Variants in TAS1R2 observed in about 807,000 individuals in gnomAD.
The protein encoded by TAS1R2 is taste 1 receptor member 2, also known as taste receptor type 1 member 2.
In TAS1R2, 47 loss-of-function variants were observed where a neutral mutation model predicts 49.3. The observed-to-expected ratio is 0.95, with a 90% CI of 0.75 to 1.22. TAS1R2 has a LOEUF of 1.22. TAS1R2 is among the 50% of genes most tolerant of loss of function. TAS1R2 has a pLI of 0.00. For missense variants in TAS1R2, 1,155 were observed against 1,122.1 expected (o/e 1.03, Z -0.42); for synonymous variants, 479 against 467.9 (o/e 1.02, Z -0.31).
chr1:18,852,157 A>G (rs1350133124), intron 3 of TAS1R2, among the ~76,000 whole-genome samples: 1 of 152,234 alleles, frequency 6.6e-6, no homozygotes, highest in Non-Finnish European at 1.5e-5. Flanking sequence ...GGAATAGCCA[A>G]TAAACAAACA....
At chr1:18,848,156 A>G (rs1933955491) in intron 4 of TAS1R2, among the ~76,000 whole-genome samples, 1 of 152,174 alleles carries the variant, frequency 6.6e-6, no homozygotes, top group African/African-American at 2.4e-5. Flanking sequence ...CTGTATATAG[A>G]GAACCTCCGC....
rs1244453154 is a variant in TAS1R2, at chr1:18,854,517, T to A, written c.953A>T (p.His318Leu). The A allele has an allele frequency of 6.2e-7, 1 of 1,613,808 alleles. No individual in the cohort carries two copies. The highest frequency in any genetic ancestry group is 1.1e-5 in the South Asian group (1 of 91,080). ...GGTGATGCCCAGGAAGGTGCCCAAG[T>A]GGCGCAGCTCCGTGAGGTTGTGCAG... is the stretch of plus-strand genomic sequence containing the variant. Residue 318 changes from histidine (H) to leucine (L), a missense_variant, in exon 3 of 6, where the codon CAC (histidine) becomes CTC (leucine). His to Leu is a moderately conservative substitution (Grantham distance 99). Coordinates refer to ENST00000375371, the Ensembl canonical transcript of TAS1R2. This position sits in a 1 kb window ranked among gnomAD's most constrained non-coding sequence, Gnocchi z 4.9.
chr1:18,844,413 C>A (rs115140847), intron 4 of TAS1R2, among the ~76,000 whole-genome samples: 1,779 of 152,268 alleles, frequency 0.012, 48 homozygotes, highest in African/African-American at 0.041. Flanking sequence ...CATGTTAATG[C>A]AAACCAGAGA....
At chr1:18,850,355 A>C (rs1933999010) in intron 3 of TAS1R2, among the ~76,000 whole-genome samples, 1 of 152,204 alleles carries the variant, frequency 6.6e-6, no homozygotes, top group South Asian at 2.1e-4. Flanking sequence ...ATTTGGCTAT[A>C]TCTTTAGGGC....
intron 4 of TAS1R2, among the ~76,000 whole-genome samples, chr1:18,846,738 G>A (rs552503024): frequency 6.6e-6 from 1 of 151,714 alleles, no homozygotes; most frequent in African/African-American, 2.4e-5. Context: ...CAGACACATG[G>A]AGAACACCAC....
intron 4 of TAS1R2, among the ~76,000 whole-genome samples, chr1:18,842,615 A>G (rs944540841): frequency 1.3e-5 from 2 of 152,240 alleles, no homozygotes; most frequent in African/African-American, 4.8e-5. Context: ...TTAAATAACA[A>G]TAGGTCAAAG....
intron 3 of TAS1R2, among the ~76,000 whole-genome samples, chr1:18,851,831 T>G (rs1934032397): frequency 6.6e-6 from 1 of 152,162 alleles, no homozygotes; most frequent in Non-Finnish European, 1.5e-5. Context: ...CCCAGCACTA[T>G]TTCATCACCA....
chr1:18,856,250 C>T (rs1034036515), intron 2 of TAS1R2, among the ~76,000 whole-genome samples: 1 of 152,156 alleles, frequency 6.6e-6, no homozygotes, highest in Non-Finnish European at 1.5e-5. Flanking sequence ...CTGGCCTTGG[C>T]ACTTGCTAAC....
chr1:18,856,675 A>G (rs1336266959), intron 2 of TAS1R2, among the ~76,000 whole-genome samples: 1 of 152,256 alleles, frequency 6.6e-6, no homozygotes, highest in Non-Finnish European at 1.5e-5. Context: ...TGCTTCATGT[A>G]AAAGTACTAA....
exon 5 of TAS1R2, chr1:18,841,833 G>A (rs1400899607): frequency 1.9e-6 from 3 of 1,611,916 alleles, no homozygotes. Context: ...GCACCTCTTG[G>A]AACACATGGA....
intron 3 of TAS1R2, among the ~76,000 whole-genome samples, chr1:18,850,221 C>T (rs1012161482): frequency 6.6e-6 from 1 of 152,190 alleles, no homozygotes; most frequent in Admixed American, 6.5e-5. Flanking sequence ...CAGTTCTGTT[C>T]GCAATTTGCT....
intron 3 of TAS1R2, among the ~76,000 whole-genome samples, chr1:18,853,232 G>T (rs913367278): frequency 6.6e-6 from 1 of 152,154 alleles, no homozygotes; most frequent in African/African-American, 2.4e-5. Context: ...TAGATGTGAT[G>T]TATACTAGGC....
chr1:18,851,110 T>A (rs534201964), intron 3 of TAS1R2, among the ~76,000 whole-genome samples: 15 of 152,276 alleles, frequency 9.9e-5, no homozygotes, highest in South Asian at 8.3e-4. Flanking sequence ...CCAGGTATGA[T>A]AGCTAAGCTC....
At chr1:18,858,857 T>C (rs66461609) in intron 1 of TAS1R2, among the ~76,000 whole-genome samples, 49,030 of 152,026 alleles carry the variant, frequency 0.32, 8,109 homozygotes, top group African/African-American at 0.36. Flanking sequence ...TTTGCACTGT[T>C]CTTCCTTTCT....
At chr1:18,851,343 T>G (rs1271998082) in intron 3 of TAS1R2, among the ~76,000 whole-genome samples, 2 of 152,064 alleles carry the variant, frequency 1.3e-5, no homozygotes, top group Admixed American at 6.5e-5. Context: ...TTGCTTTTTT[T>G]TTAAGACGGA....
chr1:18,854,863 A>G lies in TAS1R2; in HGVS notation c.607T>C (p.Trp203Arg). ...CTCACCAGCACAATGATCCAGTTCC[A>G]GCGGAAGTGCAGCATCAGCTGCACC... The change falls in exon 3 of 6, where the codon TGG becomes CGG. Residue 203 changes from tryptophan (W) to arginine (R), a missense_variant. Transcript: ENST00000375371. This position sits in a 1 kb window ranked among gnomAD's most constrained non-coding sequence, Gnocchi z 4.9. 6.2e-7 allele frequency: 1 copy of G among 1,611,580 alleles called. No individual in the cohort carries two copies. Among genetic ancestry groups the G allele is most frequent in the Non-Finnish European group, 8.5e-7 (1 of 1,179,888 alleles).
chr1:18,841,983 A>AG (rs772647089), intron 4 of TAS1R2, 131 bp from the exon 5 acceptor site: 710 of 659,918 alleles, frequency 1.1e-3, no homozygotes, highest in Non-Finnish European at 1.3e-3. Context: ...TGGAAACTGT[A>AG]GAAAAAAAAA....
At position 18,854,944 on chromosome 1, in the gene TAS1R2, G is replaced by T; in HGVS notation, c.526C>A (p.Arg176Ser). ...GTGGTACGCAGCAAAGCCGGGAAGCGCACCTTGTCTCGCAGCTCATCGCTG... is the reference window on the plus strand; with the variant it reads ...GTGGTACGCAGCAAAGCCGGGAAGCTCACCTTGTCTCGCAGCTCATCGCTG... The change falls in exon 3 of 6, where the codon CGC (arginine) becomes AGC (serine). Residue 176 changes from arginine to serine, a missense_variant. Arg to Ser is a moderately radical substitution (Grantham distance 110, BLOSUM62 -1). Coordinates refer to ENST00000375371, the Ensembl canonical transcript of TAS1R2. This position sits in a 1 kb window ranked among gnomAD's most constrained non-coding sequence, Gnocchi z 4.9. 1.2e-6 allele frequency: 2 copies of T among 1,607,602 alleles called. No homozygotes were observed. Among genetic ancestry groups the T allele is most frequent in the South Asian group, 1.1e-5 (1 of 91,016 alleles).
Position 18,845,387 on chromosome 1 carries a change from T to C in TAS1R2, c.1468-3535A>G, listed in dbSNP as rs28790979. Among the ~76,000 whole-genome samples the C allele has an allele frequency of 2.0e-3, 308 of 152,314 alleles. 1 individual carries two copies. Among genetic ancestry groups the C allele is most frequent in the African/African-American group, 6.4e-3 (267 of 41,560 alleles). ...TTGAATGAATGGCTTGTGTATAGTG[T>C]TGTGGCCTCAACAGCTAGAATATGT... On this transcript the variant is annotated intron_variant, in intron 4 of 5. Coordinates refer to ENST00000375371, the Ensembl canonical transcript of TAS1R2.
Sources: allele counts gnomAD v4.1 joint callset (sites outside exome capture counted in the v4.1 genomes callset), GRCh38; gene constraint gnomAD v4.1.1; non-coding constraint Gnocchi (gnomAD v3.1); transcripts MANE v1.5; gene names NCBI Gene and HGNC (gene_info 2026-07-23, HGNC 2026-07-21).